The following UBE3C variants were observed in gnomAD, a reference collection of about 807,000 sequenced individuals.
The protein encoded by UBE3C is ubiquitin-protein ligase E3C.
UBE3C carries 42 observed loss-of-function variants against 129.4 expected under a neutral mutation model. The observed-to-expected ratio is 0.32, with a 90% confidence interval of 0.25 to 0.42. The LOEUF (loss-of-function observed/expected upper bound fraction) is 0.42, where lower values mean the gene tolerates loss of function less well. Among genes scored for constraint, UBE3C ranks in the 10% least tolerant of loss-of-function variants. UBE3C has a pLI of 1.00. For missense variants in UBE3C, 1,049 were observed against 1,319.1 expected, an observed-to-expected ratio of 0.80 and a Z score of 3.17; for synonymous variants, 510 against 492.4, an observed-to-expected ratio of 1.04 and a Z score of -0.47.
At chr7:157,167,326 C>CT (rs1385857662) in intron 2 of UBE3C, among the ~76,000 whole-genome samples, 3 of 152,132 alleles carry the variant, frequency 2.0e-5, no homozygotes, top group African/African-American at 7.2e-5. Context: ...TTAGTCTCAG[C>CT]TTTGTAGATG....
chr7:157,259,687 A>G (rs572700778), intron 22 of UBE3C, among the ~76,000 whole-genome samples: 19 of 152,370 alleles, frequency 1.2e-4, no homozygotes, highest in African/African-American at 4.1e-4. Flanking sequence ...GCACATTTAG[A>G]GACACAGAGC....
chr7:157,172,454 A>G (rs1399834021), intron 4 of UBE3C, among the ~76,000 whole-genome samples: 1 of 152,224 alleles, frequency 6.6e-6, no homozygotes, highest in Non-Finnish European at 1.5e-5. Flanking sequence ...CATCCCTACT[A>G]GAATGATCCT....
At position 157,227,819 on chromosome 7, in the gene UBE3C, A is replaced by T. The variant is rs149360047; in HGVS notation, c.2233+2280A>T. 3.4e-3 allele frequency among the ~76,000 whole-genome samples: 514 copies of T among 152,340 alleles called. 16 individuals are homozygous for T. The South Asian group carries it at 0.047, about 14-fold the overall frequency. ...TTTAAAAATTGTTAAAAAACTGATC[A>T]CACCCACCTCCCTAGGGGCATGCTA... On this transcript the variant is annotated intron_variant, in intron 17 of 22. Transcript: ENST00000348165.
At chr7:157,175,137 C>CATT in intron 5 of UBE3C, 103 bp downstream of exon 5, 1 of 249,756 alleles carries the variant, frequency 4.0e-6, no homozygotes. Flanking sequence ...CTTTTCCATA[C>CATT]TTTTTTTTTT....
rs927637942 is a variant in UBE3C at position 157,183,979 on chromosome 7, G to A, written c.1093G>A (p.Ala365Thr). The change falls in exon 9 of 23, where the codon GCC becomes ACC. Residue 365 changes from alanine (A) to threonine (T), a missense_variant. Physicochemically the swap from Ala to Thr is moderately conservative, Grantham distance 58. This residue lies in a region of UBE3C where 489 missense variants were observed against 513.8 expected (regional missense o/e 0.95). Coordinates refer to ENST00000348165, the MANE Select transcript of UBE3C (RefSeq NM_014671.3). ...SPASASCHDSASDSEEESEEA... is the reference protein window; with the variant it reads ...SPASASCHDSTSDSEEESEEA... ...TGCCAGCGCGAGCTGTCACGACTCA[G>A]CCAGTGACTCTGAGGAGGAGAGTGA... 1 of 1,614,180 alleles carries A rather than the reference G, an allele frequency of 6.2e-7. No individual in the cohort carries two copies.
Position 157,248,589 on chromosome 7 carries a change from T to G in UBE3C, c.2694+9T>G. ...ACCTGGGAGAGGCGCAGGTGAGGGG[T>G]CAGGAGGAGGATTCACATACCTGTA... On this transcript the variant is annotated intron_variant, in intron 19 of 22. Coordinates refer to ENST00000348165, the MANE Select transcript of UBE3C (RefSeq NM_014671.3). The G allele has an allele frequency of 6.2e-7, 1 of 1,611,898 alleles. No homozygotes were observed. Among genetic ancestry groups the G allele is most frequent in the Non-Finnish European group, 8.5e-7 (1 of 1,179,820 alleles).
At chr7:157,173,463 C>T (rs1284704841) in intron 4 of UBE3C, among the ~76,000 whole-genome samples, 3 of 152,202 alleles carry the variant, frequency 2.0e-5, no homozygotes, top group Admixed American at 6.5e-5. Context: ...GCCTTCTACT[C>T]TAGGAGTAAG....
At chr7:157,243,821 A>C in intron 18 of UBE3C, among the ~76,000 whole-genome samples, 1 of 152,192 alleles carries the variant, frequency 6.6e-6, no homozygotes, top group Non-Finnish European at 1.5e-5. Flanking sequence ...TTTTGCAAAC[A>C]GATTCATGAA....
intron 15 of UBE3C, chr7:157,221,359 C>CT (rs1795730986): frequency 6.6e-6 from 1 of 152,478 alleles, no homozygotes; most frequent in African/African-American, 2.4e-5. Context: ...TCCAGGGTGG[C>CT]TGCACGGCTT....
intron 4 of UBE3C, among the ~76,000 whole-genome samples, chr7:157,171,663 T>C (rs1349551103): frequency 7.7e-5 from 2 of 25,808 alleles, no homozygotes; most frequent in Non-Finnish European, 1.0e-4. Context: ...AAATATTTTA[T>C]ATATATATAT....
At chr7:157,265,764 A>C (rs1369400147) in intron 22 of UBE3C, among the ~76,000 whole-genome samples, 1 of 152,200 alleles carries the variant, frequency 6.6e-6, no homozygotes, top group Non-Finnish European at 1.5e-5. Flanking sequence ...CTCTGGGAGC[A>C]CTTAAGACGC....
chr7:157,224,775 T>TACACAC lies in UBE3C; in HGVS notation c.2101-619_2101-614dup, dbSNP rs34300175. 2.1e-3 allele frequency among the ~76,000 whole-genome samples: 315 copies of TACACAC among 147,028 alleles called. 2 individuals carry two copies. Among genetic ancestry groups the TACACAC allele is most frequent in the Middle Eastern group, 7.0e-3 (2 of 286 alleles). On this transcript the variant is annotated intron_variant, in intron 16 of 22. Transcript: ENST00000348165. ...TTACTAAACCCTCCCTGCACGTGCGTACACACACACACACACACTCTCTCT... is the reference window on the plus strand; with the variant it reads ...TTACTAAACCCTCCCTGCACGTGCGTACACACACACACACACACACACACTCTCTCT...
At chr7:157,252,295 A>C (rs1796639473) in intron 19 of UBE3C, among the ~76,000 whole-genome samples, 1 of 152,190 alleles carries the variant, frequency 6.6e-6, no homozygotes, top group Non-Finnish European at 1.5e-5. Flanking sequence ...ATTTAAAGGA[A>C]GGGGTGGTAT....
At chr7:157,242,377 G>C (rs1164723864) in intron 18 of UBE3C, among the ~76,000 whole-genome samples, 1 of 152,186 alleles carries the variant, frequency 6.6e-6, no homozygotes, top group Non-Finnish European at 1.5e-5. Flanking sequence ...CTCAAGAGGT[G>C]GCTCGACAGA....
chr7:157,191,404 C>T (rs1427469632), intron 10 of UBE3C, among the ~76,000 whole-genome samples: 1 of 152,226 alleles, frequency 6.6e-6, no homozygotes, highest in Non-Finnish European at 1.5e-5. Context: ...GATCCTCCTA[C>T]CTCAGCACCC....
intron 10 of UBE3C, among the ~76,000 whole-genome samples, chr7:157,195,437 C>T (rs1246265081): frequency 1.3e-5 from 2 of 152,158 alleles, no homozygotes; most frequent in East Asian, 3.9e-4. Flanking sequence ...AGTCACAAGC[C>T]CAGAGAACTG....
intron 13 of UBE3C, among the ~76,000 whole-genome samples, chr7:157,214,644 C>T (rs549615370): frequency 4.8e-4 from 73 of 152,288 alleles, no homozygotes; most frequent in Admixed American, 7.8e-4. Context: ...AGACCAGACA[C>T]GAACATCTTC....
Position 157,207,837 on chromosome 7 carries a change from G to A in UBE3C, c.1711G>A (p.Glu571Lys). The change falls in exon 13 of 23, where the codon GAA becomes AAA. Residue 571 changes from glutamate to lysine, a missense_variant. By Grantham distance (56) the Glu-to-Lys change is moderately conservative (BLOSUM62 1). Transcript: ENST00000348165. ...AGAAACCAAGCCAGAAGTTCGAGAA[G>A]AATATATTACAGCATTTCAGAGTAT... ...YPETKPEVRE[E>K]YITAFQSIGV... The A allele has an allele frequency of 6.2e-7, 1 of 1,614,040 alleles. No homozygotes were observed. Among genetic ancestry groups the A allele is most frequent in the Non-Finnish European group, 8.5e-7 (1 of 1,180,004 alleles).
At position 157,269,215 on chromosome 7, in the gene UBE3C, G is replaced by A. The variant is rs1297327111; in HGVS notation, c.*1460G>A. 6.6e-6 allele frequency: 1 copy of A among 152,412 alleles called. No individual in the cohort carries two copies. Among genetic ancestry groups the A allele is most frequent in the African/African-American group, 2.4e-5 (1 of 41,370 alleles). 9.4% of individuals were successfully genotyped at this position (152,412 alleles called of 1,614,324 possible). A position where few individuals can be genotyped will look rare whatever the true frequency, so the allele number is the denominator to read the frequency against. ...TGTTCTATATCTTATTAGTTAATTTGTATATTTTATTAGTATTTTGGAAAT... is the reference window on the plus strand; with the variant it reads ...TGTTCTATATCTTATTAGTTAATTTATATATTTTATTAGTATTTTGGAAAT... On this transcript the variant is annotated 3_prime_UTR_variant, in exon 23 of 23. Transcript: ENST00000348165.
Sources: gnomAD v4.1 joint callset for allele counts (sites outside exome capture counted in the v4.1 genomes callset) on GRCh38, gnomAD v4.1.1 for gene constraint, gnomAD v4.1.1 regional missense constraint, MANE v1.5 for transcripts, NCBI Gene and HGNC (gene_info 2026-07-23, HGNC 2026-07-21) for gene names.